TRPC6: variants seen among roughly 807,000 people sequenced by gnomAD.
TRPC6 encodes the protein transient receptor potential cation channel subfamily C member 6, also known as short transient receptor potential channel 6.
Under a neutral mutation model 90.7 loss-of-function variants are expected in TRPC6, and 55 were observed. The observed-to-expected ratio is 0.61, with a 90% CI of 0.49 to 0.76. The LOEUF is 0.76. TRPC6 is among the 30% of genes least tolerant of loss of function. The pLI is 0.00. For synonymous variants in TRPC6, 393 were observed against 393.0 expected, an observed-to-expected ratio of 1.00 and a Z score of 0.00; for missense variants, 989 against 1,122.7, an observed-to-expected ratio of 0.88 and a Z score of 1.70.
intron 1 of TRPC6, chr11:101,520,021 C>G (rs1315285471): frequency 6.6e-6 from 1 of 152,088 alleles, no homozygotes; most frequent in Non-Finnish European, 1.5e-5. Context: ...TACCTGAGCA[C>G]ACACTCTCAA....
chr11:101,468,749 G>A (rs974497450), intron 10 of TRPC6, among the ~76,000 whole-genome samples: 2 of 152,170 alleles, frequency 1.3e-5, no homozygotes, highest in Admixed American at 6.5e-5. Flanking sequence ...CAGGGGAAAA[G>A]CAAATGTCTT....
Position 101,583,582 on chromosome 11 carries a change from G to T in TRPC6, c.-79C>A. On this transcript the variant is annotated 5_prime_UTR_variant, in exon 1 of 13. Transcript: ENST00000344327. ...GTTCCAGCGGGGACCCGGTGCGGAG[G>T]GTTCGCGTCAGCGGCCGAACTGGAC... The T allele has an allele frequency of 7.2e-7, 1 of 1,386,086 alleles. No homozygotes were observed. The highest frequency in any genetic ancestry group is 1.6e-5 in the South Asian group (1 of 61,992). 85.9% of individuals were successfully genotyped at this position (1,386,086 alleles called of 1,614,324 possible).
At chr11:101,505,821 T>G (rs1347037914) in intron 1 of TRPC6, among the ~76,000 whole-genome samples, 1 of 152,056 alleles carries the variant, frequency 6.6e-6, no homozygotes, top group African/African-American at 2.4e-5. Flanking sequence ...AAGACTAGCT[T>G]GGACAACATG....
intron 1 of TRPC6, among the ~76,000 whole-genome samples, chr11:101,559,989 AC>A (rs1861679555): frequency 6.6e-6 from 1 of 152,130 alleles, no homozygotes; most frequent in Non-Finnish European, 1.5e-5. Flanking sequence ...GCAACAGCTG[AC>A]CATCTTGTGA....
At chr11:101,486,359 A>G (rs1394079512) in intron 4 of TRPC6, among the ~76,000 whole-genome samples, 1 of 152,106 alleles carries the variant, frequency 6.6e-6, no homozygotes, top group Non-Finnish European at 1.5e-5. Flanking sequence ...TAGATGAAGA[A>G]ATTGAACAAC....
At chr11:101,505,549 G>A (rs1235189618) in intron 1 of TRPC6, among the ~76,000 whole-genome samples, 1 of 152,170 alleles carries the variant, frequency 6.6e-6, no homozygotes, top group African/African-American at 2.4e-5. Flanking sequence ...AGATGTTAGA[G>A]TATAGGTTTC....
rs202166137 is a variant in TRPC6, at chr11:101,476,475, C to G, written c.1570G>C (p.Glu524Gln). The change falls in exon 6 of 13, where the codon GAG becomes CAG. Residue 524 changes from glutamate to glutamine, a missense_variant. By Grantham distance (29) the Glu-to-Gln change is conservative (BLOSUM62 2). This residue lies in a region of TRPC6 where 486 missense variants were observed against 591.9 expected (regional missense o/e 0.82). Transcript: ENST00000344327. ...CCAAAATCAAGCATGTTCCACAACT[C>G]AAACAAATATTCCTTGGGGCCCTGA... is the stretch of plus-strand genomic sequence containing the variant. ...WTQGPKEYLFELWNMLDFGML... is the reference protein window; with the variant it reads ...WTQGPKEYLFQLWNMLDFGML... 6.2e-7 allele frequency: 1 copy of G among 1,614,134 alleles called. No homozygotes were observed. The highest frequency in any genetic ancestry group is 8.5e-7 in the Non-Finnish European group (1 of 1,180,000).
intron 2 of TRPC6, among the ~76,000 whole-genome samples, chr11:101,497,160 T>C (rs921455373): frequency 6.6e-6 from 1 of 152,234 alleles, no homozygotes; most frequent in African/African-American, 2.4e-5. Context: ...TTTCATTTGC[T>C]GGCCTTCTCC....
intron 6 of TRPC6, 88 bp downstream of exon 6, chr11:101,476,213 G>A (rs999566318): frequency 2.8e-6 from 3 of 1,079,736 alleles, no homozygotes; most frequent in Admixed American, 3.9e-5. Context: ...AATTTTATGA[G>A]AATTGTGCAG....
rs144965095 is a variant in TRPC6, at chr11:101,507,330, ATT to A, written c.171-2534_171-2533del. ...AATACATTCTACATATTAAGTGGGT[ATT>A]TTTTTTTTTCAATTTTGGAAAATCT... On this transcript the variant is annotated intron_variant, in intron 1 of 12. Transcript: ENST00000344327. 3.5e-3 allele frequency among the ~76,000 whole-genome samples: 509 copies of A among 145,818 alleles called. 5 individuals are homozygous for A. The highest frequency in any genetic ancestry group is 0.011 in the African/African-American group (454 of 40,176).
At position 101,548,894 on chromosome 11, in the gene TRPC6, G is replaced by A. The variant is rs1433589838; in HGVS notation, c.170+34440C>T. Among the ~76,000 whole-genome samples the A allele has an allele frequency of 5.3e-5, 8 of 151,868 alleles. No homozygotes were observed. In the South Asian group the frequency reaches 1.0e-3, roughly 20 times the overall value. ...TTTTGCTTTGTCAAAAAATATATAC[G>A]GTTACATATGCATTGACAAGTTCTG... On this transcript the variant is annotated intron_variant, in intron 1 of 12. Transcript: ENST00000344327.
intron 1 of TRPC6, among the ~76,000 whole-genome samples, chr11:101,542,546 T>C: frequency 6.6e-6 from 1 of 152,022 alleles, no homozygotes; most frequent in East Asian, 1.9e-4. Context: ...ATCCTGCATT[T>C]TACCCAGAAT....
chr11:101,452,492 C>G lies in TRPC6; in HGVS notation c.*463G>C, dbSNP rs1858785906. 1 of 171,914 alleles carries G rather than the reference C, an allele frequency of 5.8e-6. No individual in the cohort carries two copies. Among genetic ancestry groups the G allele is most frequent in the Admixed American group, 5.5e-5 (1 of 18,160 alleles). 10.6% of individuals were successfully genotyped at this position (171,914 alleles called of 1,614,324 possible). A position where few individuals can be genotyped will look rare whatever the true frequency, so the allele number is the denominator to read the frequency against. ...CAGCATTCTAAAGAAAGGATTAAAG[C>G]ATTCTAAAGGCCCATGGGCTACTTT... On this transcript the variant is annotated 3_prime_UTR_variant, in exon 13 of 13. Transcript: ENST00000344327.
At chr11:101,496,452 G>C (rs894444700) in intron 2 of TRPC6, among the ~76,000 whole-genome samples, 1 of 152,096 alleles carries the variant, frequency 6.6e-6, no homozygotes, top group South Asian at 2.1e-4. Context: ...TACTATGTGG[G>C]GTTGTGAGGA....
In TRPC6 at chr11:101,474,556, T is replaced by A. The variant is rs546742621; in HGVS notation, c.1745-783A>T. Among the ~76,000 whole-genome samples, 40 of 152,284 alleles carry A rather than the reference T, an allele frequency of 2.6e-4. 1 individual carries two copies. Among genetic ancestry groups the A allele is most frequent in the African/African-American group, 9.1e-4 (38 of 41,562 alleles). On this transcript the variant is annotated intron_variant, in intron 6 of 12. Coordinates refer to ENST00000344327, the MANE Select transcript of TRPC6 (RefSeq NM_004621.6). ...GAAACTAATAAAAGCAGTTTCCTTT[T>A]TTATAGTGCTTTGAATATAAGTATT... is the stretch of plus-strand genomic sequence containing the variant.
At chr11:101,495,589 G>GT (rs1859921942) in intron 2 of TRPC6, among the ~76,000 whole-genome samples, 1 of 137,348 alleles carries the variant, frequency 7.3e-6, no homozygotes, top group Non-Finnish European at 1.6e-5. Flanking sequence ...CAGATCAATG[G>GT]TAATTATTAT....
chr11:101,524,055 T>C (rs1379658879), intron 1 of TRPC6, among the ~76,000 whole-genome samples: 2 of 152,210 alleles, frequency 1.3e-5, no homozygotes, highest in Admixed American at 6.5e-5. Context: ...GGATTACCCA[T>C]ACATACTCAG....
chr11:101,579,623 C>T (rs1862148745), intron 1 of TRPC6, among the ~76,000 whole-genome samples: 2 of 152,058 alleles, frequency 1.3e-5, no homozygotes, highest in Non-Finnish European at 1.5e-5. Flanking sequence ...GAGTATTTTC[C>T]ATGTTGACTA....
chr11:101,503,831 C>T (rs755524951), intron 2 of TRPC6, among the ~76,000 whole-genome samples, 193 bp downstream of exon 2: 34 of 152,296 alleles, frequency 2.2e-4, no homozygotes, highest in South Asian at 6.2e-4. Context: ...GTCTGGCAGA[C>T]AGTAGAGCAT....
Sources: allele counts gnomAD v4.1 joint callset (sites outside exome capture counted in the v4.1 genomes callset), GRCh38; gene constraint gnomAD v4.1.1; regional missense constraint gnomAD v4.1.1; transcripts MANE v1.5; gene names NCBI Gene and HGNC (gene_info 2026-07-23, HGNC 2026-07-21).